NSUN7: variants seen among roughly 807,000 people sequenced by gnomAD.
NSUN7 encodes NOP2/Sun RNA methyltransferase family member 7.
In NSUN7, 39 loss-of-function variants were observed where a neutral mutation model predicts 58.5. That is an observed-to-expected ratio of 0.67 (90% CI 0.52 to 0.87). The LOEUF is 0.87. NSUN7 is among the 40% of genes least tolerant of loss of function. The pLI is 0.00. For missense variants in NSUN7, 765 were observed against 844.1 expected, an observed-to-expected ratio of 0.91 and a Z score of 1.16; for synonymous variants, 278 against 303.7, an observed-to-expected ratio of 0.92 and a Z score of 0.88.
chr4:40,790,064 CTTTTTT>C (rs60071501), intron 7 of NSUN7, among the ~76,000 whole-genome samples: 1 of 121,586 alleles, frequency 8.2e-6, no homozygotes, highest in African/African-American at 3.1e-5. Flanking sequence ...CCTCCCCCAC[CTTTTTT>C]TTTTTTTTTT....
intron 9 of NSUN7, among the ~76,000 whole-genome samples, chr4:40,797,896 A>C (rs547336588): frequency 6.6e-6 from 1 of 152,284 alleles, no homozygotes; most frequent in African/African-American, 2.4e-5. Flanking sequence ...TGCTCTGATC[A>C]AACCGGCCCC....
intron 2 of NSUN7, among the ~76,000 whole-genome samples, chr4:40,757,683 T>C (rs1264565625): frequency 1.4e-5 from 2 of 143,442 alleles, no homozygotes; most frequent in South Asian, 2.1e-4. Context: ...TGTATATATA[T>C]ACACACTGTG....
chr4:40,782,139 C>T (rs2437312), intron 7 of NSUN7, among the ~76,000 whole-genome samples: 1,896 of 152,158 alleles, frequency 0.012, 29 homozygotes, highest in African/African-American at 0.042. Flanking sequence ...ATATAAAAAT[C>T]TATTGTATTT....
At chr4:40,773,746 C>T (rs894146910) in intron 4 of NSUN7, among the ~76,000 whole-genome samples, 2 of 151,778 alleles carry the variant, frequency 1.3e-5, no homozygotes, top group South Asian at 2.1e-4. Flanking sequence ...AATTGCTGCA[C>T]AACTATACAG....
intron 8 of NSUN7, among the ~76,000 whole-genome samples, chr4:40,792,679 G>A (rs12330938): frequency 0.14 from 20,694 of 152,024 alleles, 1,598 homozygotes; most frequent in Middle Eastern, 0.17. Context: ...TGAACCCCGG[G>A]GGGCGGAGCC....
intron 4 of NSUN7, among the ~76,000 whole-genome samples, chr4:40,769,100 C>A (rs1005494144): frequency 6.6e-6 from 1 of 152,194 alleles, no homozygotes; most frequent in Non-Finnish European, 1.5e-5. Flanking sequence ...CCTGTAACTC[C>A]AATTCAAAAA....
chr4:40,762,268 G>A (rs1741496030), intron 4 of NSUN7, among the ~76,000 whole-genome samples: 1 of 152,178 alleles, frequency 6.6e-6, no homozygotes. Flanking sequence ...CTAAGATACT[G>A]TTGATTCCAG....
intron 10 of NSUN7, among the ~76,000 whole-genome samples, chr4:40,802,656 A>C (rs1743637434): frequency 6.6e-6 from 1 of 151,956 alleles, no homozygotes; most frequent in African/African-American, 2.4e-5. Context: ...TTTGTATCAC[A>C]CCATAAACTT....
At chr4:40,760,362 G>C in intron 2 of NSUN7, 72 bp from the exon 3 acceptor site, 1 of 1,050,920 alleles carries the variant, frequency 9.5e-7, no homozygotes. Context: ...CATTATTACA[G>C]TGTATTTTGA....
chr4:40,799,073 C>CTTTTTGTTTTTTT lies in NSUN7; in HGVS notation c.1400+174_1400+175insGTTTTTTTTTTTT, dbSNP rs1553919775. Among the ~76,000 whole-genome samples the CTTTTTGTTTTTTT allele has an allele frequency of 2.9e-4, 22 of 76,240 alleles. 7 individuals are homozygous for CTTTTTGTTTTTTT. The highest frequency in any genetic ancestry group is 4.0e-4 in the African/African-American group (8 of 20,162). The allele number at this position is 76,240 out of a possible 152,430, so 50.0% of individuals were successfully genotyped here. ...AACCAAGATTCCATAGGGCCTTTTT[C>CTTTTTGTTTTTTT]TTTTTTTTTTTTTTTTTTTTTTTTT... On this transcript the variant is annotated intron_variant, in intron 10 of 11. Coordinates refer to ENST00000381782, the MANE Select transcript of NSUN7 (RefSeq NM_024677.6).
intron 4 of NSUN7, among the ~76,000 whole-genome samples, chr4:40,768,669 G>A (rs6816410): frequency 0.78 from 118,390 of 152,036 alleles, 46,333 homozygotes; most frequent in Admixed American, 0.83. Flanking sequence ...TCACTTATTC[G>A]TGGGTTTAGA....
intron 2 of NSUN7, 120 bp downstream of exon 2, chr4:40,751,111 G>T: frequency 9.3e-7 from 1 of 1,071,964 alleles, no homozygotes; most frequent in Non-Finnish European, 1.3e-6. Flanking sequence ...TTAGGCATGT[G>T]CATATCTTTG....
chr4:40,770,218 A>G (rs1741932289), intron 4 of NSUN7, among the ~76,000 whole-genome samples: 1 of 151,982 alleles, frequency 6.6e-6, no homozygotes, highest in Admixed American at 6.6e-5. Context: ...CTCAAAAAAA[A>G]AAAAAAAAAA....
Position 40,750,674 on chromosome 4 carries a change from A to C in NSUN7, c.-20A>C. ...ATTCTAACCCCAGGGTGAAGGACTC[A>C]CGACAGGCGAGGGGCAGACATGCTG... On this transcript the variant is annotated 5_prime_UTR_variant, in exon 2 of 12. Coordinates refer to ENST00000381782, the MANE Select transcript of NSUN7 (RefSeq NM_024677.6). The C allele has an allele frequency of 6.2e-7, 1 of 1,609,814 alleles. No individual in the cohort carries two copies. The highest frequency in any genetic ancestry group is 1.7e-5 in the Admixed American group (1 of 59,912).
intron 8 of NSUN7, among the ~76,000 whole-genome samples, chr4:40,793,791 T>C (rs16852497): frequency 0.015 from 2,330 of 152,336 alleles, 67 homozygotes; most frequent in African/African-American, 0.053. Context: ...GTTAAAATAA[T>C]CTACATAAAG....
chr4:40,762,212 T>TA (rs1475427879), intron 4 of NSUN7, among the ~76,000 whole-genome samples: 1 of 152,216 alleles, frequency 6.6e-6, no homozygotes, highest in Admixed American at 6.5e-5. Context: ...CTGTTCTTTA[T>TA]AAATTAGCTG....
intron 7 of NSUN7, among the ~76,000 whole-genome samples, chr4:40,785,676 A>AATGAC (rs58667526): frequency 0.81 from 122,998 of 151,944 alleles, 50,110 homozygotes; most frequent in African/African-American, 0.87. Context: ...TTGGAATTAA[A>AATGAC]ATACTTCAAA....
At chr4:40,785,385 G>A (rs1742767261) in intron 7 of NSUN7, among the ~76,000 whole-genome samples, 2 of 151,396 alleles carry the variant, frequency 1.3e-5, no homozygotes, top group Admixed American at 1.3e-4. Flanking sequence ...TTGAGATGGA[G>A]TTTCACTCTT....
At chr4:40,764,081 T>A (rs970313190) in intron 4 of NSUN7, among the ~76,000 whole-genome samples, 68 of 151,994 alleles carry the variant, frequency 4.5e-4, no homozygotes, top group East Asian at 1.4e-3. Context: ...TTAATTTTTT[T>A]ATTTTATTAT....
Sources: allele counts gnomAD v4.1 joint callset (sites outside exome capture counted in the v4.1 genomes callset), GRCh38; gene constraint gnomAD v4.1.1; transcripts MANE v1.5; gene names NCBI Gene and HGNC (gene_info 2026-07-23, HGNC 2026-07-21).